The following CACNA1A variants were observed in gnomAD, a reference collection of about 807,000 sequenced individuals.
The protein encoded by CACNA1A is voltage-dependent P/Q-type calcium channel subunit alpha-1A.
In CACNA1A, 57 loss-of-function variants were observed where a neutral mutation model predicts 262.4. The observed-to-expected ratio is 0.22, with a 90% confidence interval of 0.18 to 0.27. The LOEUF (loss-of-function observed/expected upper bound fraction) is 0.27. Ranked by LOEUF, CACNA1A falls within the 10% of genes least tolerant of loss-of-function variation. CACNA1A has a pLI of 1.00. For missense variants in CACNA1A, 2,526 were observed against 3,562.8 expected (o/e 0.71, Z 7.41); for synonymous variants, 1,431 against 1,419.3 (o/e 1.01, Z -0.18).
At chr19:13,480,607 T>A (rs1317873406) in intron 1 of CACNA1A, among the ~76,000 whole-genome samples, 1 of 151,962 alleles carries the variant, frequency 6.6e-6, no homozygotes, top group South Asian at 2.1e-4. Context: ...GGCAGGAGGA[T>A]CACTTGAGCC....
intron 3 of CACNA1A, among the ~76,000 whole-genome samples, chr19:13,391,962 G>A (rs574154016): frequency 3.4e-4 from 51 of 151,550 alleles, no homozygotes; most frequent in Middle Eastern, 3.4e-3. Context: ...GCATGAGCCC[G>A]GGAGGTCAAG....
chr19:13,334,220 C>G, intron 8 of CACNA1A, 158 bp downstream of exon 8: 1 of 585,872 alleles, frequency 1.7e-6, no homozygotes. Context: ...ATATCAGACT[C>G]TGGATTCTTG....
Position 13,214,648 on chromosome 19 carries a change from G to C in CACNA1A, c.5732-40C>G, listed in dbSNP as rs1461014535. The C allele has an allele frequency of 6.7e-7, 1 of 1,494,784 alleles. No homozygotes were observed. The highest frequency in any genetic ancestry group is 9.3e-7 in the Non-Finnish European group (1 of 1,080,950). The allele number at this position is 1,494,784 out of a possible 1,614,324, so 92.6% of individuals were successfully genotyped here. The stretch of plus-strand genomic sequence containing the variant: ...TAGACAGACCCTGACTGCCTGCCTG[G>C]GTGTCAGCTGGACTCTGGGTCAGCT... On this transcript the variant is annotated intron_variant, in intron 38 of 46. Transcript: ENST00000360228. The surrounding 1 kb of genome is among the most constrained non-coding windows in gnomAD (Gnocchi z 4.1).
Position 13,312,710 on chromosome 19 carries a change from G to T in CACNA1A, c.1627C>A (p.Arg543=). Residue 543 remains arginine (R), a synonymous_variant, in exon 12 of 47, where the codon CGG becomes AGG. Coordinates refer to ENST00000360228, the MANE Select transcript of CACNA1A (RefSeq NM_001127222.2). ...MFIKMYGLGT[R]PYFHSSFNCF... ...TTGAAGGAAGAGTGGAAGTAAGGCCGCGTCCCAAGCCCGTACATTTTTATA... is the reference window on the plus strand; with the variant it reads ...TTGAAGGAAGAGTGGAAGTAAGGCCTCGTCCCAAGCCCGTACATTTTTATA... 1 of 1,594,180 alleles carries T rather than the reference G, an allele frequency of 6.3e-7. No homozygotes were observed. Among genetic ancestry groups the T allele is most frequent in the African/African-American group, 1.4e-5 (1 of 73,460 alleles).
At chr19:13,416,381 G>A (rs1217704480) in intron 3 of CACNA1A, among the ~76,000 whole-genome samples, 1 of 152,170 alleles carries the variant, frequency 6.6e-6, no homozygotes, top group Non-Finnish European at 1.5e-5. Flanking sequence ...GGGATTACAG[G>A]CGTGAGGCAC....
intron 35 of CACNA1A, 87 bp from the exon 36 acceptor site, chr19:13,230,296 G>A (rs758618359): frequency 3.3e-5 from 48 of 1,451,822 alleles, no homozygotes; most frequent in South Asian, 9.9e-5. Flanking sequence ...ACAGACAGAC[G>A]GACAGACAGA....
At chr19:13,484,757 A>G (rs1395227080) in intron 1 of CACNA1A, among the ~76,000 whole-genome samples, 1 of 152,174 alleles carries the variant, frequency 6.6e-6, no homozygotes, top group Non-Finnish European at 1.5e-5. Flanking sequence ...ACCTTTGCAC[A>G]TGCTGTTCCC....
At position 13,417,257 on chromosome 19, in the gene CACNA1A, CTG is replaced by C. The variant is rs1021939391; in HGVS notation, c.539+35617_539+35618del. Among the ~76,000 whole-genome samples, 59 of 152,308 alleles carry C rather than the reference CTG, an allele frequency of 3.9e-4. 1 individual carries two copies. The highest frequency in any genetic ancestry group is 1.4e-3 in the African/African-American group (58 of 41,564). ...GGCTGGAGAAGAAGCGCTGTGTTAA[CTG>C]TGCAACTCTGTGCTGCTGTGCACGC... On this transcript the variant is annotated intron_variant, in intron 3 of 46. Transcript: ENST00000360228.
At chr19:13,406,977 G>C (rs911519235) in intron 3 of CACNA1A, among the ~76,000 whole-genome samples, 9 of 151,804 alleles carry the variant, frequency 5.9e-5, no homozygotes, top group African/African-American at 1.7e-4. Context: ...ATGTATGCAT[G>C]TGTACACACA....
Position 13,317,267 on chromosome 19 carries a change from A to T in CACNA1A, c.1400T>A (p.Phe467Tyr). 1 of 1,612,908 alleles carries T rather than the reference A, an allele frequency of 6.2e-7. No homozygotes were observed. The highest frequency in any genetic ancestry group is 8.5e-7 in the Non-Finnish European group (1 of 1,179,020). The change falls in exon 11 of 47, where the codon TTT (phenylalanine) becomes TAT (tyrosine). Residue 467 changes from phenylalanine to tyrosine, a missense_variant. Physicochemically the swap from Phe to Tyr is conservative, Grantham distance 22. Coordinates refer to ENST00000360228, the MANE Select transcript of CACNA1A (RefSeq NM_001127222.2). ...CATCCTCCTCTCCTTTTTGTGAAAA[A>T]AGGTCGAGTTCTCCAGCTTGGCACT... ...IKSAKLENST[F>Y]FHKKERRMRF... is the part of the protein sequence containing the mutation.
intron 3 of CACNA1A, among the ~76,000 whole-genome samples, chr19:13,402,868 A>C: frequency 1.4e-5 from 1 of 72,762 alleles, no homozygotes; most frequent in Non-Finnish European, 2.4e-5. Context: ...ACACACACAC[A>C]CACACATATA....
intron 3 of CACNA1A, among the ~76,000 whole-genome samples, chr19:13,404,551 C>T (rs1393714342): frequency 6.6e-6 from 1 of 152,122 alleles, no homozygotes; most frequent in African/African-American, 2.4e-5. Context: ...GCCCAGGCTG[C>T]CCTGAACAGG....
chr19:13,323,441 T>C (rs189994536), intron 10 of CACNA1A, among the ~76,000 whole-genome samples: 20 of 152,282 alleles, frequency 1.3e-4, no homozygotes, highest in African/African-American at 4.3e-4. Flanking sequence ...ATATGTATGT[T>C]CAGATCCTTT....
At chr19:13,424,411 A>C (rs1479244315) in intron 3 of CACNA1A, among the ~76,000 whole-genome samples, 2 of 152,142 alleles carry the variant, frequency 1.3e-5, no homozygotes, top group Non-Finnish European at 2.9e-5. Context: ...ATGCATGCCA[A>C]GAACTGTGCT....
At position 13,308,662 on chromosome 19, in the gene CACNA1A, T is replaced by C; in HGVS notation, c.1669-134A>G. The stretch of plus-strand genomic sequence containing the variant: ...CAAATGGAAGCCGGGTGAGGATCCT[T>C]GACCCCCTCATTCATCCATTCATTT... On this transcript the variant is annotated intron_variant, in intron 12 of 46. Transcript: ENST00000360228. This position sits in a 1 kb window ranked among gnomAD's most constrained non-coding sequence, Gnocchi z 4.2. 1.7e-6 allele frequency: 1 copy of C among 595,194 alleles called. No homozygotes were observed. Among genetic ancestry groups the C allele is most frequent in the East Asian group, 2.8e-5 (1 of 35,530 alleles). The allele number at this position is 595,194 out of a possible 1,614,324, so 36.9% of individuals were successfully genotyped here.
At chr19:13,360,747 G>T (rs928877799) in intron 5 of CACNA1A, among the ~76,000 whole-genome samples, 34 of 152,234 alleles carry the variant, frequency 2.2e-4, no homozygotes, top group Admixed American at 2.0e-3. Flanking sequence ...AAAGTGCTGG[G>T]ATTACAGGCG....
chr19:13,248,714 G>A (rs918690423), intron 30 of CACNA1A, among the ~76,000 whole-genome samples: 15 of 151,986 alleles, frequency 9.9e-5, no homozygotes, highest in African/African-American at 3.1e-4. Flanking sequence ...GTGATGGTGG[G>A]CGCCTGTAAT....
Position 13,241,571 on chromosome 19 carries a change from C to G in CACNA1A, c.4950+3611G>C. 3.7e-6 allele frequency: 3 copies of G among 818,698 alleles called. No homozygotes were observed. The highest frequency in any genetic ancestry group is 1.5e-5 in the South Asian group (1 of 68,740). 50.7% of individuals were successfully genotyped at this position (818,698 alleles called of 1,614,324 possible). On this transcript the variant is annotated intron_variant, in intron 31 of 46. Transcript: ENST00000360228. This position sits in a 1 kb window ranked among gnomAD's most constrained non-coding sequence, Gnocchi z 4.0. ...ATGAGGGGGAGCGGGCGGGCGGGGGCAGTTGGGGAGGCGTGTTCAGCATTT... is the reference window on the plus strand; with the variant it reads ...ATGAGGGGGAGCGGGCGGGCGGGGGGAGTTGGGGAGGCGTGTTCAGCATTT...
chr19:13,324,517 A>G (rs1355009084), intron 10 of CACNA1A, among the ~76,000 whole-genome samples: 1 of 152,190 alleles, frequency 6.6e-6, no homozygotes, highest in Non-Finnish European at 1.5e-5. Context: ...TCATTCTATG[A>G]TGTATACATA....
Sources: gnomAD v4.1 joint callset for allele counts (sites outside exome capture counted in the v4.1 genomes callset) on GRCh38, gnomAD v4.1.1 for gene constraint, Gnocchi (gnomAD v3.1) non-coding constraint, MANE v1.5 for transcripts, NCBI Gene and HGNC (gene_info 2026-07-23, HGNC 2026-07-21) for gene names.